CACNG2: variants seen among roughly 807,000 people sequenced by gnomAD.
CACNG2 encodes the protein voltage-dependent calcium channel gamma-2 subunit.
Under a neutral mutation model 25.9 loss-of-function variants are expected in CACNG2, and 3 were observed. The observed-to-expected ratio is 0.12, with a 90% CI of 0.05 to 0.30. The LOEUF (loss-of-function observed/expected upper bound fraction) is 0.30. Among genes scored for constraint, CACNG2 ranks in the 10% least tolerant of loss-of-function variants. The pLI is 1.00. For missense variants in CACNG2, 341 were observed against 432.5 expected (o/e 0.79, Z 1.88); for synonymous variants, 167 against 173.3 (o/e 0.96, Z 0.29).
rs1324302216 is a variant in CACNG2, at chr22:36,562,950, T to G, written c.*1401A>C. The G allele has an allele frequency of 6.8e-6, 1 of 147,944 alleles. No individual in the cohort carries two copies. Among genetic ancestry groups the G allele is most frequent in the Non-Finnish European group, 1.5e-5 (1 of 66,864 alleles). The allele number at this position is 147,944 out of a possible 1,614,324, so 9.2% of individuals were successfully genotyped here. A position where few individuals can be genotyped will look rare whatever the true frequency, so the allele number is the denominator to read the frequency against. ...AATGGATTTGTATATTCGTTTTCTG[T>G]TTTTTTTTTCTTTACAAGTTCCCTG... is the stretch of plus-strand genomic sequence containing the variant. On this transcript the variant is annotated 3_prime_UTR_variant, in exon 4 of 4. Transcript: ENST00000300105.
chr22:36,589,372 C>A (rs776033752), intron 1 of CACNG2, among the ~76,000 whole-genome samples: 7 of 151,936 alleles, frequency 4.6e-5, no homozygotes, highest in Non-Finnish European at 8.8e-5. Context: ...TGGTTTTTGC[C>A]ATCAAAAGTA....
intron 1 of CACNG2, among the ~76,000 whole-genome samples, chr22:36,587,914 A>G (rs713641): frequency 0.27 from 41,478 of 152,128 alleles, 5,793 homozygotes; most frequent in Middle Eastern, 0.37. Context: ...CATAGCTGGG[A>G]GTCATCCTGC....
intron 1 of CACNG2, among the ~76,000 whole-genome samples, chr22:36,668,235 C>T (rs557202464): frequency 1.8e-4 from 27 of 152,332 alleles, no homozygotes; most frequent in Middle Eastern, 6.8e-3. Flanking sequence ...CCTCCCAGGA[C>T]AAGCCAGAGC....
At chr22:36,580,362 C>A (rs984475117) in intron 2 of CACNG2, among the ~76,000 whole-genome samples, 3 of 152,134 alleles carry the variant, frequency 2.0e-5, no homozygotes, top group Non-Finnish European at 4.4e-5. Flanking sequence ...TGCCTGTCAT[C>A]GTCCTCAGGT....
At chr22:36,588,406 C>T (rs780872545) in intron 1 of CACNG2, among the ~76,000 whole-genome samples, 8 of 152,186 alleles carry the variant, frequency 5.3e-5, no homozygotes, top group Non-Finnish European at 8.8e-5. Flanking sequence ...CTGATGAGCA[C>T]GTGAACTCTT....
intron 1 of CACNG2, among the ~76,000 whole-genome samples, chr22:36,590,647 G>T (rs576621255): frequency 6.6e-6 from 1 of 152,244 alleles, no homozygotes; most frequent in South Asian, 2.1e-4. Flanking sequence ...CCACTCATCA[G>T]TTTGCACCCA....
At chr22:36,629,973 T>C (rs1265565888) in intron 1 of CACNG2, among the ~76,000 whole-genome samples, 1 of 152,176 alleles carries the variant, frequency 6.6e-6, no homozygotes, top group African/African-American at 2.4e-5. Context: ...AGAAATCACC[T>C]TCCATGCTGC....
chr22:36,597,819 C>T (rs148482960), intron 1 of CACNG2, among the ~76,000 whole-genome samples: 28 of 152,148 alleles, frequency 1.8e-4, no homozygotes, highest in Non-Finnish European at 2.9e-4. Flanking sequence ...GAAGTGCCCA[C>T]GCTGCCAGGC....
intron 2 of CACNG2, among the ~76,000 whole-genome samples, chr22:36,584,303 A>T (rs1388941631): frequency 2.0e-5 from 3 of 152,142 alleles, no homozygotes; most frequent in Non-Finnish European, 4.4e-5. Context: ...AATACAAAAA[A>T]ATTAGCCAGG....
intron 1 of CACNG2, among the ~76,000 whole-genome samples, chr22:36,619,611 G>A (rs895379518): frequency 3.3e-5 from 5 of 152,238 alleles, no homozygotes; most frequent in Non-Finnish European, 7.3e-5. Context: ...TCAGTTGACA[G>A]TAGTCCCATC....
intron 1 of CACNG2, among the ~76,000 whole-genome samples, chr22:36,639,554 T>C (rs1031865867): frequency 6.6e-6 from 1 of 152,308 alleles, no homozygotes; most frequent in East Asian, 1.9e-4. Flanking sequence ...GTACAGTTTG[T>C]CTTTTGGGAA....
intron 1 of CACNG2, among the ~76,000 whole-genome samples, chr22:36,693,552 T>C (rs1937294214): frequency 6.6e-6 from 1 of 152,150 alleles, no homozygotes; most frequent in South Asian, 2.1e-4. Context: ...CCTACCTGGC[T>C]TCCTACCTTT....
chr22:36,618,311 G>C (rs1216509315), intron 1 of CACNG2, among the ~76,000 whole-genome samples: 1 of 152,222 alleles, frequency 6.6e-6, no homozygotes, highest in African/African-American at 2.4e-5. Context: ...AGAGGCAGCT[G>C]CTCCTCTGTC....
rs561569088 is a variant in CACNG2, at chr22:36,570,260, C to T, written c.296-3767G>A. On this transcript the variant is annotated intron_variant, in intron 2 of 3. Coordinates refer to ENST00000300105, the MANE Select transcript of CACNG2 (RefSeq NM_006078.5). ...AGGCATGTGTGGACAAGATGGAGGG[C>T]GGCGGGAGAGCAGGGAGGGGTCTGC... 8.5e-5 allele frequency among the ~76,000 whole-genome samples: 13 copies of T among 152,262 alleles called. No individual in the cohort carries two copies. The South Asian group carries it at 1.7e-3, about 19-fold the overall frequency.
intron 1 of CACNG2, among the ~76,000 whole-genome samples, chr22:36,697,191 G>A (rs1723973580): frequency 1.3e-5 from 2 of 152,156 alleles, no homozygotes; most frequent in African/African-American, 4.8e-5. Flanking sequence ...CAGCTCACAG[G>A]GGGCGTGGAC....
At chr22:36,648,821 CTT>C (rs1936567002) in intron 1 of CACNG2, among the ~76,000 whole-genome samples, 1 of 152,120 alleles carries the variant, frequency 6.6e-6, no homozygotes, top group Non-Finnish European at 1.5e-5. Flanking sequence ...ATCAGCGAGT[CTT>C]GTCTTAACAC....
At chr22:36,628,027 A>G (rs1936210093) in intron 1 of CACNG2, among the ~76,000 whole-genome samples, 1 of 152,250 alleles carries the variant, frequency 6.6e-6, no homozygotes. Flanking sequence ...ACATATATGT[A>G]CATTCACAGA....
rs571563795 is a variant in CACNG2, at chr22:36,587,532, C to T, written c.228G>A (p.Leu76=). The T allele has an allele frequency of 1.9e-6, 3 of 1,613,256 alleles. No homozygotes were observed. The highest frequency in any genetic ancestry group is 1.7e-4 in the Middle Eastern group (1 of 6,060). ...CTGGGAAGTGATCAATTTGCTTGCA[C>T]AGACCTTTGAAATTCCCTGCAAAAC... ...TCCLEGNFKG[L]CKQIDHFPED... The change falls in exon 2 of 4, where the codon CTG becomes CTA. Residue 76 remains leucine (L), a synonymous_variant. Coordinates refer to ENST00000300105, the MANE Select transcript of CACNG2 (RefSeq NM_006078.5).
At chr22:36,668,506 TG>T (rs1440787823) in intron 1 of CACNG2, among the ~76,000 whole-genome samples, 1 of 147,786 alleles carries the variant, frequency 6.8e-6, no homozygotes, top group African/African-American at 2.5e-5. Context: ...TTTTTTTTTT[TG>T]AGATAGGATC....
Sources: gnomAD v4.1 joint callset for allele counts (sites outside exome capture counted in the v4.1 genomes callset) on GRCh38, gnomAD v4.1.1 for gene constraint, MANE v1.5 for transcripts, NCBI Gene and HGNC (gene_info 2026-07-23, HGNC 2026-07-21) for gene names.